The following TSHZ1 variants were observed in gnomAD, a reference collection of about 807,000 sequenced individuals.
TSHZ1 encodes the protein teashirt homolog 1.
Under a neutral mutation model 67.1 loss-of-function variants are expected in TSHZ1, and 12 were observed. That is an observed-to-expected ratio of 0.18 (90% confidence interval 0.11 to 0.29). The LOEUF (loss-of-function observed/expected upper bound fraction) is 0.29, where lower values mean the gene tolerates loss of function less well. Among genes scored for constraint, TSHZ1 ranks in the 10% least tolerant of loss-of-function variants. The pLI, the probability that TSHZ1 is intolerant of heterozygous loss-of-function variation, is 1.00. For synonymous variants in TSHZ1, 632 were observed against 622.4 expected, an observed-to-expected ratio of 1.02 and a Z score of -0.23; for missense variants, 1,305 against 1,413.9, an observed-to-expected ratio of 0.92 and a Z score of 1.23.
At chr18:75,251,774 C>T (rs576189416) in intron 1 of TSHZ1, among the ~76,000 whole-genome samples, 23 of 152,082 alleles carry the variant, frequency 1.5e-4, no homozygotes, top group African/African-American at 4.6e-4. Flanking sequence ...GAATTATTTT[C>T]GGTCATGTTA....
intron 1 of TSHZ1, among the ~76,000 whole-genome samples, chr18:75,257,821 A>G (rs2023380159): frequency 6.6e-6 from 1 of 152,186 alleles, no homozygotes. Context: ...AAGCTCTGCC[A>G]TCCCCTAGCT....
chr18:75,260,261 C>G (rs1286009963), intron 1 of TSHZ1, among the ~76,000 whole-genome samples: 1 of 152,192 alleles, frequency 6.6e-6, no homozygotes, highest in African/African-American at 2.4e-5. Flanking sequence ...TTTTTATCTT[C>G]CTGGACAAAA....
At chr18:75,272,491 T>C (rs1001744817) in intron 1 of TSHZ1, among the ~76,000 whole-genome samples, 7 of 152,248 alleles carry the variant, frequency 4.6e-5, no homozygotes, top group Non-Finnish European at 1.0e-4. Context: ...ACTGGTATTT[T>C]CCTCATTTCT....
chr18:75,275,351 T>C (rs2023603048), intron 1 of TSHZ1, among the ~76,000 whole-genome samples: 1 of 152,202 alleles, frequency 6.6e-6, no homozygotes, highest in Non-Finnish European at 1.5e-5. Context: ...GTTAAAGTAT[T>C]GCAAGAGTAC....
chr18:75,257,661 G>T (rs922052336), intron 1 of TSHZ1, among the ~76,000 whole-genome samples: 3 of 152,036 alleles, frequency 2.0e-5, no homozygotes, highest in Non-Finnish European at 2.9e-5. Context: ...CTAAGGAACG[G>T]CTTTGCTTTT....
chr18:75,221,820 A>G (rs140866753), intron 1 of TSHZ1, among the ~76,000 whole-genome samples: 2 of 152,300 alleles, frequency 1.3e-5, no homozygotes, highest in African/African-American at 4.8e-5. Context: ...GAAAAGCCAA[A>G]TCCGGGCAAA....
chr18:75,218,535 A>G (rs984219038), intron 1 of TSHZ1, among the ~76,000 whole-genome samples: 1 of 152,234 alleles, frequency 6.6e-6, no homozygotes, highest in African/African-American at 2.4e-5. Flanking sequence ...GTCTAGAACA[A>G]TCTTCTACGA....
In TSHZ1 at chr18:75,287,945, C is replaced by A. The variant is rs374807933; in HGVS notation, c.2538C>A (p.Asn846Lys). The change falls in exon 2 of 2, where the codon AAC becomes AAA. Residue 846 changes from asparagine to lysine, a missense_variant. By Grantham distance (94) the Asn-to-Lys change is moderately conservative. Coordinates refer to ENST00000580243, the MANE Select transcript of TSHZ1 (RefSeq NM_001308210.2). This position sits in a 1 kb window ranked among gnomAD's most constrained non-coding sequence, Gnocchi z 5.0. ...TGGACATCTCCGACATGGTGAAAAA[C>A]CTCACAGGCCGCCTGACGCCCAAGT... The part of the protein sequence containing the change: ...ALMDISDMVK[N>K]LTGRLTPKSS... The A allele has an allele frequency of 6.2e-7, 1 of 1,614,232 alleles. No individual in the cohort carries two copies. Among genetic ancestry groups the A allele is most frequent in the Non-Finnish European group, 8.5e-7 (1 of 1,180,052 alleles).
At chr18:75,218,242 G>A (rs2022798617) in intron 1 of TSHZ1, among the ~76,000 whole-genome samples, 1 of 152,240 alleles carries the variant, frequency 6.6e-6, no homozygotes, top group Non-Finnish European at 1.5e-5. Flanking sequence ...TGTGACTGCT[G>A]CCATTATCTT....
intron 1 of TSHZ1, among the ~76,000 whole-genome samples, chr18:75,223,021 G>A (rs972669407): frequency 6.6e-6 from 1 of 152,316 alleles, no homozygotes; most frequent in South Asian, 2.1e-4. Flanking sequence ...CACCTGCTCG[G>A]AGTATTCTGT....
intron 1 of TSHZ1, among the ~76,000 whole-genome samples, chr18:75,247,533 C>T (rs2023239640): frequency 6.6e-6 from 1 of 152,178 alleles, no homozygotes. Flanking sequence ...TTGAAAAGAA[C>T]GATTCCCTGA....
chr18:75,272,722 T>C (rs1409878738), intron 1 of TSHZ1, among the ~76,000 whole-genome samples: 9 of 152,226 alleles, frequency 5.9e-5, no homozygotes, highest in Non-Finnish European at 1.2e-4. Flanking sequence ...GGAATACGTG[T>C]CCCATAGCGT....
chr18:75,216,464 A>T (rs1484958691), intron 1 of TSHZ1, among the ~76,000 whole-genome samples: 3 of 152,184 alleles, frequency 2.0e-5, no homozygotes, highest in African/African-American at 7.2e-5. Flanking sequence ...TAGAGATTTT[A>T]TGTTAATGTA....
At position 75,259,196 on chromosome 18, in the gene TSHZ1, C is replaced by T. The variant is rs376511374; in HGVS notation, c.41-26252C>T. ...GATTTTTGCACTTAAAAATAAGTCG[C>T]GATCATTGCTCCAGAGAGAGATTTC... On this transcript the variant is annotated intron_variant, in intron 1 of 1. Transcript: ENST00000580243. 5.9e-5 allele frequency among the ~76,000 whole-genome samples: 9 copies of T among 152,210 alleles called. No individual in the cohort carries two copies. The South Asian group carries it at 1.0e-3, about 18-fold the overall frequency.
intron 1 of TSHZ1, among the ~76,000 whole-genome samples, chr18:75,217,716 C>G (rs964421148): frequency 6.6e-6 from 1 of 152,150 alleles, no homozygotes; most frequent in African/African-American, 2.4e-5. Flanking sequence ...GGGTTTCTAC[C>G]TGCATGGCGT....
In TSHZ1 at chr18:75,285,497, C is replaced by T. The variant is rs763522691; in HGVS notation, c.90C>T (p.His30=). 2.6e-6 allele frequency: 4 copies of T among 1,525,078 alleles called. No individual in the cohort carries two copies. Among genetic ancestry groups the T allele is most frequent in the South Asian group, 2.6e-5 (2 of 77,030 alleles). 94.5% of individuals were successfully genotyped at this position (1,525,078 alleles called of 1,614,324 possible). Residue 30 remains histidine, a synonymous_variant, in exon 2 of 2, where the codon CAC becomes CAT. Transcript: ENST00000580243. ...AGGCAGCAGAAATAGATGAAGAGCACGTGGAGGATGACGGGCTGTCTTTGG... is the reference window on the plus strand; with the variant it reads ...AGGCAGCAGAAATAGATGAAGAGCATGTGGAGGATGACGGGCTGTCTTTGG... The part of the protein sequence containing the change: ...ELKAAEIDEE[H]VEDDGLSLDI...
chr18:75,278,123 TGGGGTG>T (rs1485426540), intron 1 of TSHZ1, among the ~76,000 whole-genome samples: 1 of 152,104 alleles, frequency 6.6e-6, no homozygotes, highest in Non-Finnish European at 1.5e-5. Flanking sequence ...GGCGAACCAC[TGGGGTG>T]TCAGTCCCAC....
chr18:75,216,959 G>A (rs1192749697), intron 1 of TSHZ1, among the ~76,000 whole-genome samples: 1 of 152,250 alleles, frequency 6.6e-6, no homozygotes, highest in Non-Finnish European at 1.5e-5. Flanking sequence ...AGGGCCAGGG[G>A]AAAGGTTAAT....
At chr18:75,246,742 T>C (rs990215398) in intron 1 of TSHZ1, among the ~76,000 whole-genome samples, 1 of 152,066 alleles carries the variant, frequency 6.6e-6, no homozygotes, top group Admixed American at 6.5e-5. Flanking sequence ...AAAGAATAAT[T>C]TGATTTGCTG....
Sources: allele counts gnomAD v4.1 joint callset (sites outside exome capture counted in the v4.1 genomes callset), GRCh38; gene constraint gnomAD v4.1.1; non-coding constraint Gnocchi (gnomAD v3.1); transcripts MANE v1.5; gene names NCBI Gene and HGNC (gene_info 2026-07-23, HGNC 2026-07-21).